DNAH14: variants seen among roughly 807,000 people sequenced by gnomAD.
The protein encoded by DNAH14 is dynein axonemal heavy chain 14, also known as axonemal beta dynein heavy chain 14.
Under a neutral mutation model 520.9 loss-of-function variants are expected in DNAH14, and 478 were observed. That is an observed-to-expected ratio of 0.92 (90% CI 0.85 to 0.99). The LOEUF (loss-of-function observed/expected upper bound fraction) is 0.99, where lower values mean the gene tolerates loss of function less well. DNAH14 is among the 50% of genes least tolerant of loss of function. The pLI is 0.00. For missense variants in DNAH14, 4,831 were observed against 5,234.5 expected (o/e 0.92, Z 2.38); for synonymous variants, 1,581 against 1,757.2 (o/e 0.90, Z 2.51).
intron 62 of DNAH14, among the ~76,000 whole-genome samples, chr1:225,323,530 C>A (rs1204973787): frequency 6.6e-6 from 1 of 152,174 alleles, no homozygotes; most frequent in East Asian, 1.9e-4. Flanking sequence ...GGCTGGAGAT[C>A]TCAGCTCACT....
intron 23 of DNAH14, among the ~76,000 whole-genome samples, chr1:225,107,306 G>C (rs889724933): frequency 6.6e-6 from 1 of 152,138 alleles, no homozygotes; most frequent in Non-Finnish European, 1.5e-5. Flanking sequence ...TGCCTCTCAG[G>C]CTACTCGGGG....
At chr1:225,363,630 A>G (rs188350407) in intron 75 of DNAH14, among the ~76,000 whole-genome samples, 1 of 152,296 alleles carries the variant, frequency 6.6e-6, no homozygotes, top group African/African-American at 2.4e-5. Context: ...GTCCCTGACT[A>G]TCCACAGGGG....
In DNAH14 at chr1:224,970,381, C is replaced by T. The variant is rs148558224; in HGVS notation, c.767+1507C>T. On this transcript the variant is annotated intron_variant, in intron 7 of 85. Coordinates refer to ENST00000682510, the MANE Select transcript of DNAH14 (RefSeq NM_001367479.1). ...GAAACTTCATTGGCAATTTTAATTT[C>T]GCCCCGGTCCTGTGGTCCTGTGATG... 4.8e-3 allele frequency among the ~76,000 whole-genome samples: 727 copies of T among 152,226 alleles called. 4 individuals carry two copies. The highest frequency in any genetic ancestry group is 0.016 in the African/African-American group (681 of 41,544).
intron 1 of DNAH14, among the ~76,000 whole-genome samples, chr1:224,931,741 T>C (rs1571829637): frequency 3.3e-5 from 5 of 152,334 alleles, no homozygotes; most frequent in Admixed American, 2.0e-4. Context: ...TCACTTAAGA[T>C]AATAACTTCC....
intron 1 of DNAH14, among the ~76,000 whole-genome samples, chr1:224,937,914 A>G (rs1191656309): frequency 1.3e-5 from 2 of 152,144 alleles, no homozygotes; most frequent in East Asian, 1.9e-4. Context: ...CAACCAACTG[A>G]TCTTTGACAA....
intron 17 of DNAH14, among the ~76,000 whole-genome samples, chr1:225,057,962 T>G (rs1044985017): frequency 6.6e-6 from 1 of 152,222 alleles, no homozygotes; most frequent in Non-Finnish European, 1.5e-5. Context: ...TGCATTGATG[T>G]TCATCAGGGA....
In DNAH14 at chr1:225,042,946, A is replaced by G. The variant is rs750377558; in HGVS notation, c.1600A>G (p.Lys534Glu). The G allele has an allele frequency of 5.8e-6, 9 of 1,551,820 alleles. No individual in the cohort carries two copies. The highest frequency in any genetic ancestry group is 7.8e-6 in the Non-Finnish European group (9 of 1,147,048). ...TGAGAGTGATTCTTCAGAAAATTCT[A>G]AAGAGAACTTTCATGAGTCTGACCA... ...PAESDSSENSKENFHESDQCP... is the reference protein window; with the variant it reads ...PAESDSSENSEENFHESDQCP... Residue 534 changes from lysine to glutamate, a missense_variant, in exon 13 of 86, where the codon AAA becomes GAA. Physicochemically the swap from Lys to Glu is moderately conservative, Grantham distance 56. Coordinates refer to ENST00000682510, the MANE Select transcript of DNAH14 (RefSeq NM_001367479.1).
chr1:225,105,183 T>C (rs1156319997), intron 23 of DNAH14, among the ~76,000 whole-genome samples: 1 of 152,202 alleles, frequency 6.6e-6, no homozygotes, highest in Non-Finnish European at 1.5e-5. Context: ...CTTTTCCATG[T>C]GGTTGAGCGG....
At chr1:225,260,166 C>T (rs2092884280) in intron 46 of DNAH14, among the ~76,000 whole-genome samples, 1 of 151,990 alleles carries the variant, frequency 6.6e-6, no homozygotes, top group Non-Finnish European at 1.5e-5. Context: ...GCCTGACCAA[C>T]ATGGTGAAAC....
intron 1 of DNAH14, among the ~76,000 whole-genome samples, chr1:224,945,734 T>TTGGAGTTTGC (rs2059768920): frequency 6.6e-6 from 1 of 152,298 alleles, no homozygotes; most frequent in African/African-American, 2.4e-5. Context: ...TGCAGGTCTG[T>TTGGAGTTTGC]TGGAGTTTGC....
intron 27 of DNAH14, among the ~76,000 whole-genome samples, chr1:225,126,501 G>C (rs1331079913): frequency 6.6e-6 from 1 of 152,178 alleles, no homozygotes; most frequent in Non-Finnish European, 1.5e-5. Flanking sequence ...GCATAGAGCT[G>C]TTTGTAGTAT....
At chr1:225,332,724 G>A (rs1043662816) in intron 65 of DNAH14, among the ~76,000 whole-genome samples, 1 of 151,710 alleles carries the variant, frequency 6.6e-6, no homozygotes, top group Admixed American at 6.6e-5. Context: ...GCTGGGCATG[G>A]TGGCTCATGT....
intron 84 of DNAH14, among the ~76,000 whole-genome samples, chr1:225,398,284 T>A (rs1368790839): frequency 1.3e-5 from 2 of 152,196 alleles, no homozygotes; most frequent in Non-Finnish European, 2.9e-5. Context: ...AGGAAGGGTG[T>A]CATGGAAAAA....
chr1:225,299,756 T>C (rs1388171751), intron 55 of DNAH14, among the ~76,000 whole-genome samples: 1 of 152,174 alleles, frequency 6.6e-6, no homozygotes, highest in Non-Finnish European at 1.5e-5. Flanking sequence ...GCCATATCAT[T>C]GCTTTTCATG....
chr1:225,129,939 C>T lies in DNAH14; in HGVS notation c.4254+6325C>T, dbSNP rs567990772. Among the ~76,000 whole-genome samples the T allele has an allele frequency of 4.6e-5, 7 of 152,206 alleles. No homozygotes were observed. The East Asian group carries it at 1.4e-3, about 29-fold the overall frequency. ...ACTCATCAGACAAAGGGCTAATATC[C>T]AGAATCTACAATGAACTCAAACAAA... On this transcript the variant is annotated intron_variant, in intron 27 of 85. Transcript: ENST00000682510.
At chr1:225,387,798 A>T (rs2095859489) in intron 81 of DNAH14, among the ~76,000 whole-genome samples, 1 of 152,148 alleles carries the variant, frequency 6.6e-6, no homozygotes, top group Admixed American at 6.5e-5. Flanking sequence ...AAAAGGAGAA[A>T]GGGGCTAGAG....
chr1:225,127,715 G>C (rs1381160867), intron 27 of DNAH14, among the ~76,000 whole-genome samples: 3 of 152,114 alleles, frequency 2.0e-5, no homozygotes. Flanking sequence ...TACATTTAAA[G>C]TTAATATTGT....
intron 28 of DNAH14, among the ~76,000 whole-genome samples, chr1:225,142,542 G>A (rs560553055): frequency 6.6e-6 from 1 of 152,250 alleles, no homozygotes; most frequent in South Asian, 2.1e-4. Flanking sequence ...AATCAATGTA[G>A]CAAACACGAT....
At chr1:225,192,992 A>G (rs2085642714) in intron 38 of DNAH14, 81 bp downstream of exon 38, 1 of 1,020,960 alleles carries the variant, frequency 9.8e-7, no homozygotes, top group Non-Finnish European at 1.4e-6. Context: ...ATATTAAAAC[A>G]TCATTAGACA....
Sources: allele counts gnomAD v4.1 joint callset (sites outside exome capture counted in the v4.1 genomes callset), GRCh38; gene constraint gnomAD v4.1.1; transcripts MANE v1.5; gene names NCBI Gene and HGNC (gene_info 2026-07-23, HGNC 2026-07-21).